Variants in CPNE3 observed in about 807,000 individuals in gnomAD.
CPNE3 encodes the protein copine 3, also known as copine-3.
Under a neutral mutation model 63.9 loss-of-function variants are expected in CPNE3, and 68 were observed. The ratio of observed to expected loss-of-function variants is 1.06; its 90% confidence interval spans 0.87 to 1.30. The LOEUF is 1.30. Among genes scored for constraint, CPNE3 ranks in the 50% most tolerant of loss-of-function variants. CPNE3 has a pLI of 0.00. For missense variants in CPNE3, 665 were observed against 578.1 expected, an observed-to-expected ratio of 1.15 and a Z score of -1.54; for synonymous variants, 219 against 197.5, an observed-to-expected ratio of 1.11 and a Z score of -0.91.
At chr8:86,537,727 T>A (rs1327471727) in intron 7 of CPNE3, 81 bp downstream of exon 7, 15 of 838,600 alleles carry the variant, frequency 1.8e-5, no homozygotes, top group Non-Finnish European at 2.6e-5. Flanking sequence ...CTTATATTTA[T>A]AAAAGTATCA....
intron 9 of CPNE3, among the ~76,000 whole-genome samples, chr8:86,545,990 C>T (rs996780303): frequency 2.0e-5 from 3 of 151,894 alleles, no homozygotes; most frequent in African/African-American, 2.4e-5. Flanking sequence ...GAGCCAAGCC[C>T]TAAAGATGGA....
chr8:86,556,363 A>G (rs775918078), intron 16 of CPNE3, 25 bp downstream of exon 16: 5 of 871,966 alleles, frequency 5.7e-6, no homozygotes, highest in Middle Eastern at 2.2e-4. Flanking sequence ...TCCCTACTCA[A>G]ACACTAAAGT....
intron 2 of CPNE3, among the ~76,000 whole-genome samples, chr8:86,525,344 G>A (rs1820518779): frequency 6.6e-6 from 1 of 152,176 alleles, no homozygotes; most frequent in Non-Finnish European, 1.5e-5. Context: ...TGTATATCAT[G>A]TACTGGATAA....
At chr8:86,546,233 A>T (rs1292966579) in intron 9 of CPNE3, among the ~76,000 whole-genome samples, 3 of 151,350 alleles carry the variant, frequency 2.0e-5, no homozygotes, top group Non-Finnish European at 2.9e-5. Context: ...GTAATATTTT[A>T]TTTCCTTTAT....
intron 14 of CPNE3, 74 bp from the exon 15 acceptor site, chr8:86,554,777 T>C: frequency 1.9e-6 from 3 of 1,545,094 alleles, no homozygotes; most frequent in Non-Finnish European, 2.6e-6. Flanking sequence ...ATAATCAAAT[T>C]AGCCAGTATT....
Position 86,560,595 on chromosome 8 carries a change from GT to G in CPNE3, c.*2189del, listed in dbSNP as rs1821417820. Reference sequence around the variant, plus strand: ...ATCAGAATTATTCTATTTTAAAATTGTTTTAAAATTTAAAACATTTAATTCA... The same window carrying G: ...ATCAGAATTATTCTATTTTAAAATTGTTTAAAATTTAAAACATTTAATTCA... On this transcript the variant is annotated 3_prime_UTR_variant, in exon 17 of 17. Coordinates refer to ENST00000517490, the MANE Select transcript of CPNE3 (RefSeq NM_003909.5). 3.4e-5 allele frequency: 1 copy of G among 29,164 alleles called. No individual in the cohort carries two copies. The highest frequency in any genetic ancestry group is 6.9e-5 in the Non-Finnish European group (1 of 14,574). 1.8% of individuals were successfully genotyped at this position (29,164 alleles called of 1,614,324 possible).
chr8:86,528,597 C>G lies in CPNE3; in HGVS notation c.52C>G (p.Leu18Val), dbSNP rs758284766. ...KVALNVSCAN[L>V]LDKDIGSKSD... ...GGCGCTGAATGTTTCCTGTGCCAAT[C>G]TTTTGGATAAAGATATAGGGTCAAA... is the stretch of plus-strand genomic sequence containing the variant. Residue 18 changes from leucine (L) to valine (V), a missense_variant, in exon 3 of 17, where the codon CTT becomes GTT. Leu to Val is a conservative substitution (Grantham distance 32, BLOSUM62 1). Coordinates refer to ENST00000517490, the MANE Select transcript of CPNE3 (RefSeq NM_003909.5). The G allele has an allele frequency of 3.1e-6, 5 of 1,614,074 alleles. No individual in the cohort carries two copies. Among genetic ancestry groups the G allele is most frequent in the Non-Finnish European group, 4.2e-6 (5 of 1,179,994 alleles).
In CPNE3 at chr8:86,560,415, C is replaced by T. The variant is rs1821412661; in HGVS notation, c.*2005C>T. The T allele has an allele frequency of 6.6e-6, 1 of 152,138 alleles. No homozygotes were observed. Among genetic ancestry groups the T allele is most frequent in the Admixed American group, 6.5e-5 (1 of 15,280 alleles). 9.4% of individuals were successfully genotyped at this position (152,138 alleles called of 1,614,324 possible). A position where few individuals can be genotyped will look rare whatever the true frequency, so the allele number is the denominator to read the frequency against. On this transcript the variant is annotated 3_prime_UTR_variant, in exon 17 of 17. Coordinates refer to ENST00000517490, the MANE Select transcript of CPNE3 (RefSeq NM_003909.5). ...CAGGGTCCCAGTCACTGGGCATATC[C>T]TCCTTCTCCTTAACCAGCTCCACAG...
intron 2 of CPNE3, among the ~76,000 whole-genome samples, chr8:86,527,311 A>T (rs1197109842): frequency 1.3e-5 from 2 of 152,120 alleles, no homozygotes; most frequent in Non-Finnish European, 2.9e-5. Context: ...GTTCCTTTTC[A>T]TGGTGACACC....
chr8:86,522,635 G>T (rs1362500727), intron 2 of CPNE3, among the ~76,000 whole-genome samples: 1 of 146,314 alleles, frequency 6.8e-6, no homozygotes, highest in Non-Finnish European at 1.5e-5. Context: ...ACTGCCTAGG[G>T]TGTGTTTTGC....
At chr8:86,539,277 T>TA (rs1448773186) in intron 7 of CPNE3, among the ~76,000 whole-genome samples, 1 of 152,196 alleles carries the variant, frequency 6.6e-6, no homozygotes, top group Admixed American at 6.5e-5. Context: ...TCTCTTAAGT[T>TA]AGAGTATGTT....
intron 16 of CPNE3, among the ~76,000 whole-genome samples, chr8:86,557,873 G>A (rs968455091): frequency 2.0e-5 from 3 of 152,154 alleles, no homozygotes; most frequent in African/African-American, 7.2e-5. Flanking sequence ...AGTTATGCAA[G>A]ATGTTACCTT....
intron 2 of CPNE3, among the ~76,000 whole-genome samples, chr8:86,525,642 A>G (rs572147139): frequency 6.6e-6 from 1 of 152,326 alleles, no homozygotes; most frequent in East Asian, 1.9e-4. Flanking sequence ...AGGGAAAAAA[A>G]TAATGCTCTT....
chr8:86,546,542 G>A, intron 9 of CPNE3, 53 bp from the exon 10 acceptor site: 1 of 1,562,324 alleles, frequency 6.4e-7, no homozygotes, highest in East Asian at 2.3e-5. Context: ...AGTCACATTG[G>A]CATTTCTAAT....
At chr8:86,543,985 G>A (rs1342510354) in intron 8 of CPNE3, among the ~76,000 whole-genome samples, 4 of 151,942 alleles carry the variant, frequency 2.6e-5, no homozygotes, top group South Asian at 2.1e-4. Flanking sequence ...AACCTGTCAC[G>A]AAATTACATG....
chr8:86,535,064 T>C (rs934689313), intron 6 of CPNE3, among the ~76,000 whole-genome samples: 18 of 142,554 alleles, frequency 1.3e-4, no homozygotes, highest in South Asian at 2.2e-4. Flanking sequence ...CAGGAGTCTT[T>C]GGATAATTTC....
rs1821423256 is a variant in CPNE3, at chr8:86,560,747, G to C, written c.*2337G>C. The C allele has an allele frequency of 6.6e-6, 1 of 152,110 alleles. No homozygotes were observed. The allele number at this position is 152,110 out of a possible 1,614,324, so 9.4% of individuals were successfully genotyped here. A position where few individuals can be genotyped will look rare whatever the true frequency, so the allele number is the denominator to read the frequency against. ...AATTTCTAAATTATCAGTTTTCACAGTTTCAGCACTCAACCTCATCATACG... is the reference window on the plus strand; with the variant it reads ...AATTTCTAAATTATCAGTTTTCACACTTTCAGCACTCAACCTCATCATACG... On this transcript the variant is annotated 3_prime_UTR_variant, in exon 17 of 17. Coordinates refer to ENST00000517490, the MANE Select transcript of CPNE3 (RefSeq NM_003909.5).
chr8:86,514,558 C>T lies in CPNE3; in HGVS notation c.-49+17C>T, dbSNP rs1280343931. 1.3e-5 allele frequency: 2 copies of T among 152,342 alleles called. No individual in the cohort carries two copies. Among genetic ancestry groups the T allele is most frequent in the Non-Finnish European group, 2.9e-5 (2 of 68,144 alleles). 9.4% of individuals were successfully genotyped at this position (152,342 alleles called of 1,614,324 possible). A position where few individuals can be genotyped will look rare whatever the true frequency, so the allele number is the denominator to read the frequency against. ...GACTCCCACGTGAGTGCGGGCGTCTCCCAGTTCCTGGGCCGGTGAGGCAGC... is the reference window on the plus strand; with the variant it reads ...GACTCCCACGTGAGTGCGGGCGTCTTCCAGTTCCTGGGCCGGTGAGGCAGC... On this transcript the variant is annotated intron_variant, in intron 1 of 16. Transcript: ENST00000517490.
intron 6 of CPNE3, among the ~76,000 whole-genome samples, chr8:86,534,409 A>C (rs1206700468): frequency 6.6e-6 from 1 of 152,136 alleles, no homozygotes; most frequent in East Asian, 1.9e-4. Context: ...TAATCCCAGC[A>C]CTTTGGGAGG....
Sources: gnomAD v4.1 joint callset for allele counts (sites outside exome capture counted in the v4.1 genomes callset) on GRCh38, gnomAD v4.1.1 for gene constraint, MANE v1.5 for transcripts, NCBI Gene and HGNC (gene_info 2026-07-23, HGNC 2026-07-21) for gene names.